The following HECW2 variants were observed in gnomAD, a reference collection of about 807,000 sequenced individuals.
HECW2 encodes the protein E3 ubiquitin-protein ligase HECW2.
A neutral mutation model predicts 175.2 loss-of-function variants in HECW2; 61 were observed. The observed-to-expected ratio is 0.35, with a 90% confidence interval of 0.28 to 0.43. The LOEUF (loss-of-function observed/expected upper bound fraction) is 0.43. Among genes scored for constraint, HECW2 ranks in the 20% least tolerant of loss-of-function variants. The probability of loss-of-function intolerance (pLI) is 1.00; values close to 1 mark genes in which losing one functional copy is unlikely to be tolerated. For missense variants in HECW2, 1,524 were observed against 2,000.5 expected, an observed-to-expected ratio of 0.76 and a Z score of 4.54; for synonymous variants, 671 against 731.0, an observed-to-expected ratio of 0.92 and a Z score of 1.32.
chr2:196,541,992 G>A (rs530829586), intron 1 of HECW2, among the ~76,000 whole-genome samples: 2 of 151,944 alleles, frequency 1.3e-5, no homozygotes, highest in African/African-American at 2.4e-5. Flanking sequence ...TGCCAGGCAC[G>A]GTGGCTCATG....
chr2:196,383,968 G>A (rs1694277528), intron 2 of HECW2, among the ~76,000 whole-genome samples: 1 of 152,122 alleles, frequency 6.6e-6, no homozygotes, highest in African/African-American at 2.4e-5. Flanking sequence ...TCTGTAAAAT[G>A]GCAATGGGAA....
At chr2:196,590,484 T>C (rs568350232) in intron 1 of HECW2, among the ~76,000 whole-genome samples, 2 of 152,180 alleles carry the variant, frequency 1.3e-5, no homozygotes, top group East Asian at 3.9e-4. Flanking sequence ...CCCAAGAAAG[T>C]AGTCAGCAAT....
chr2:196,265,438 T>C (rs1395249238), intron 17 of HECW2, among the ~76,000 whole-genome samples: 1 of 152,098 alleles, frequency 6.6e-6, no homozygotes, highest in Non-Finnish European at 1.5e-5. Flanking sequence ...TGAGCCGAGA[T>C]TGTGCCCACT....
intron 2 of HECW2, 73 bp downstream of exon 2, chr2:196,433,059 C>A: frequency 7.1e-7 from 1 of 1,412,144 alleles, no homozygotes; most frequent in Middle Eastern, 1.9e-4. Context: ...GAAGAAAATA[C>A]AGAATGGTAA....
intron 19 of HECW2, among the ~76,000 whole-genome samples, chr2:196,246,313 G>C (rs1688640511): frequency 6.6e-6 from 1 of 152,154 alleles, no homozygotes; most frequent in Admixed American, 6.5e-5. Flanking sequence ...CAACTTTCAA[G>C]AGCAAAATCA....
At chr2:196,514,376 GGCTCGGCACAGGCCT>G (rs1559152300) in intron 1 of HECW2, among the ~76,000 whole-genome samples, 1 of 152,188 alleles carries the variant, frequency 6.6e-6, no homozygotes, top group African/African-American at 2.4e-5. Context: ...GGCTGAGGGC[GGCTCGGCACAGGCCT>G]GTAGGCGCTC....
At chr2:196,255,511 G>C (rs1305488620) in intron 18 of HECW2, among the ~76,000 whole-genome samples, 3 of 152,006 alleles carry the variant, frequency 2.0e-5, no homozygotes, top group African/African-American at 7.3e-5. Context: ...AATTAAACAA[G>C]GTCATTTAAA....
rs1254152635 is a variant in HECW2, at chr2:196,200,138, C to T, written c.*1139G>A. On this transcript the variant is annotated 3_prime_UTR_variant, in exon 29 of 29. Coordinates refer to ENST00000644978, the MANE Select transcript of HECW2 (RefSeq NM_001348768.2). ...TTTAAATAAATGCATATCATACTAT[C>T]ACATATAGTGAATCTTAAAAAATTA... 1 of 152,600 alleles carries T rather than the reference C, an allele frequency of 6.6e-6. No individual in the cohort carries two copies. Among genetic ancestry groups the T allele is most frequent in the Admixed American group, 6.5e-5 (1 of 15,276 alleles). The allele number at this position is 152,600 out of a possible 1,614,324, so 9.5% of individuals were successfully genotyped here. A position where few individuals can be genotyped will look rare whatever the true frequency, so the allele number is the denominator to read the frequency against.
intron 3 of HECW2, among the ~76,000 whole-genome samples, chr2:196,341,261 C>A (rs962366029): frequency 6.8e-6 from 1 of 146,662 alleles, no homozygotes; most frequent in Non-Finnish European, 1.5e-5. Context: ...TTACCAGCAG[C>A]CTTCAGCATT....
intron 1 of HECW2, among the ~76,000 whole-genome samples, chr2:196,565,747 T>C (rs1173752234): frequency 6.6e-6 from 1 of 152,240 alleles, no homozygotes; most frequent in Non-Finnish European, 1.5e-5. Flanking sequence ...AAGTTATCTT[T>C]CTTTATTCAA....
intron 17 of HECW2, among the ~76,000 whole-genome samples, chr2:196,270,447 T>C (rs1439800355): frequency 1.3e-5 from 2 of 152,234 alleles, no homozygotes; most frequent in African/African-American, 4.8e-5. Flanking sequence ...GGCTCAGTTT[T>C]AGAGAATATC....
At chr2:196,487,610 C>T (rs1233474948) in intron 1 of HECW2, among the ~76,000 whole-genome samples, 1 of 152,122 alleles carries the variant, frequency 6.6e-6, no homozygotes, top group African/African-American at 2.4e-5. Context: ...AGGGGTGCCT[C>T]GCATTACATC....
At chr2:196,461,131 A>G (rs1235856581) in intron 1 of HECW2, among the ~76,000 whole-genome samples, 1 of 152,180 alleles carries the variant, frequency 6.6e-6, no homozygotes, top group African/African-American at 2.4e-5. Flanking sequence ...AAGAAAGCAT[A>G]CATGGATAAG....
intron 21 of HECW2, among the ~76,000 whole-genome samples, chr2:196,233,407 T>G (rs752271810): frequency 1.3e-5 from 2 of 152,186 alleles, no homozygotes; most frequent in African/African-American, 2.4e-5. Context: ...ATAACAAATT[T>G]TATTCTCCCA....
chr2:196,322,398 C>T, intron 7 of HECW2, 80 bp downstream of exon 7: 1 of 1,208,960 alleles, frequency 8.3e-7, no homozygotes, highest in Non-Finnish European at 1.2e-6. Flanking sequence ...TATGAAAAGT[C>T]CTAGGACTAC....
At position 196,524,897 on chromosome 2, in the gene HECW2, G is replaced by C. The variant is rs1255468836; in HGVS notation, c.-36+68611C>G. ...TTGCTGAGGAGAGCTTTACTTCCAAGTATGTGGTCAATTTTGGAATAGGTG... is the reference window on the plus strand; with the variant it reads ...TTGCTGAGGAGAGCTTTACTTCCAACTATGTGGTCAATTTTGGAATAGGTG... On this transcript the variant is annotated intron_variant, in intron 1 of 28. Coordinates refer to ENST00000644978, the MANE Select transcript of HECW2 (RefSeq NM_001348768.2). Among the ~76,000 whole-genome samples, 32 of 129,174 alleles carry C rather than the reference G, an allele frequency of 2.5e-4. No homozygotes were observed. In the East Asian group the frequency reaches 5.2e-3, roughly 21 times the overall value. The allele number at this position is 129,174 out of a possible 152,430, so 84.7% of individuals were successfully genotyped here.
At chr2:196,247,185 A>T (rs771667710) in intron 19 of HECW2, among the ~76,000 whole-genome samples, 2 of 152,134 alleles carry the variant, frequency 1.3e-5, no homozygotes, top group Admixed American at 6.5e-5. Flanking sequence ...CAGGAGGCGG[A>T]GGTTGCAGCG....
At position 196,257,828 on chromosome 2, in the gene HECW2, C is replaced by T. The variant is rs1337176361; in HGVS notation, c.3414G>A (p.Leu1138=). ...AGTGAGTGTTACGTATGTACCTCAG[C>T]AACATAACAAGGTCTGCATCGCTTG... The part of the protein sequence containing the change: ...RLSSDADLVM[L]LSLFEEEIMS... Residue 1138 remains leucine (L), a synonymous_variant, in exon 18 of 29, where the codon TTG becomes TTA. Coordinates refer to ENST00000644978, the MANE Select transcript of HECW2 (RefSeq NM_001348768.2). 6.2e-7 allele frequency: 1 copy of T among 1,610,860 alleles called. No homozygotes were observed. The highest frequency in any genetic ancestry group is 8.5e-7 in the Non-Finnish European group (1 of 1,177,086).
chr2:196,265,485 G>A (rs756355877), intron 17 of HECW2, among the ~76,000 whole-genome samples: 17 of 151,948 alleles, frequency 1.1e-4, no homozygotes, highest in Admixed American at 3.9e-4. Flanking sequence ...GACTCTGTCC[G>A]CTCCCCACCC....
Sources: gnomAD v4.1 joint callset for allele counts (sites outside exome capture counted in the v4.1 genomes callset) on GRCh38, gnomAD v4.1.1 for gene constraint, MANE v1.5 for transcripts, NCBI Gene and HGNC (gene_info 2026-07-23, HGNC 2026-07-21) for gene names.